The following CSNK1G1 variants were observed in gnomAD, a reference collection of about 807,000 sequenced individuals.
The protein encoded by CSNK1G1 is casein kinase 1 gamma 1.
In CSNK1G1, 22 loss-of-function variants were observed where a neutral mutation model predicts 59.6. The ratio of observed to expected loss-of-function variants is 0.37; its 90% CI spans 0.26 to 0.53. The LOEUF (loss-of-function observed/expected upper bound fraction) is 0.53, where lower values mean the gene tolerates loss of function less well. CSNK1G1 is among the 20% of genes least tolerant of loss of function. The probability of loss-of-function intolerance (pLI) is 0.89; values close to 1 mark genes in which losing one functional copy is unlikely to be tolerated. For synonymous variants in CSNK1G1, 179 were observed against 177.1 expected (o/e 1.01, Z -0.08); for missense variants, 384 against 519.5 (o/e 0.74, Z 2.54).
intron 1 of CSNK1G1, among the ~76,000 whole-genome samples, chr15:64,345,301 A>G (rs555059465): frequency 3.3e-5 from 5 of 152,324 alleles, no homozygotes; most frequent in African/African-American, 9.6e-5. Flanking sequence ...GAAAATATTC[A>G]GGAAAGTACA....
intron 1 of CSNK1G1, among the ~76,000 whole-genome samples, chr15:64,304,930 C>T (rs1053001119): frequency 6.6e-6 from 1 of 152,142 alleles, no homozygotes; most frequent in African/African-American, 2.4e-5. Flanking sequence ...CTTCATCCAC[C>T]ACACATTGCT....
chr15:64,261,820 G>A (rs1566924025), intron 2 of CSNK1G1, among the ~76,000 whole-genome samples: 1 of 151,206 alleles, frequency 6.6e-6, no homozygotes, highest in Non-Finnish European at 1.5e-5. Context: ...GTGTGCACCT[G>A]TAATCCCAGC....
intron 2 of CSNK1G1, among the ~76,000 whole-genome samples, chr15:64,262,885 C>G (rs150234739): frequency 2.0e-5 from 3 of 151,986 alleles, no homozygotes; most frequent in African/African-American, 4.8e-5. Context: ...TCGAGACCAG[C>G]CTGACCAACA....
At chr15:64,278,649 G>A (rs1051147190) in intron 2 of CSNK1G1, among the ~76,000 whole-genome samples, 6 of 151,836 alleles carry the variant, frequency 4.0e-5, no homozygotes, top group Admixed American at 6.6e-5. Context: ...AGCTGGTGTC[G>A]AACTCCTGAC....
At position 64,235,927 on chromosome 15, in the gene CSNK1G1, A is replaced by G. The variant is rs566312771; in HGVS notation, c.292+15585T>C. 5.9e-5 allele frequency among the ~76,000 whole-genome samples: 9 copies of G among 152,310 alleles called. No homozygotes were observed. In the South Asian group the frequency reaches 1.9e-3, roughly 32 times the overall value. On this transcript the variant is annotated intron_variant, in intron 4 of 11. Transcript: ENST00000303052. ...GGTACAGACTCTATCCATAGGGAAC[A>G]TAACAGGTAGAAAACTGTTAGGTAA...
chr15:64,229,152 A>G (rs2082506044), intron 4 of CSNK1G1, among the ~76,000 whole-genome samples: 1 of 152,080 alleles, frequency 6.6e-6, no homozygotes. Context: ...ACCATGTAAC[A>G]TATCTGTTTA....
chr15:64,195,431 T>C (rs931658316), intron 10 of CSNK1G1, among the ~76,000 whole-genome samples: 2 of 152,144 alleles, frequency 1.3e-5, no homozygotes, highest in Non-Finnish European at 2.9e-5. Context: ...CGGTGTAATG[T>C]TTATGTAGCA....
intron 1 of CSNK1G1, among the ~76,000 whole-genome samples, chr15:64,305,146 G>A (rs976064034): frequency 1.3e-5 from 2 of 152,034 alleles, no homozygotes; most frequent in African/African-American, 4.8e-5. Flanking sequence ...GTTGCCACTG[G>A]TTTTTGTACC....
chr15:64,206,551 G>A (rs866229140), intron 7 of CSNK1G1, among the ~76,000 whole-genome samples: 7 of 138,954 alleles, frequency 5.0e-5, no homozygotes, highest in African/African-American at 1.7e-4. Context: ...AGGTTGCAGC[G>A]AGCCCAGCCT....
chr15:64,337,666 A>G (rs1037701125), intron 1 of CSNK1G1, among the ~76,000 whole-genome samples: 1 of 152,202 alleles, frequency 6.6e-6, no homozygotes, highest in African/African-American at 2.4e-5. Context: ...TATAATATTT[A>G]TAATTTAACC....
intron 4 of CSNK1G1, among the ~76,000 whole-genome samples, chr15:64,230,049 G>A (rs1272303749): frequency 6.6e-6 from 1 of 150,746 alleles, no homozygotes; most frequent in Non-Finnish European, 1.5e-5. Flanking sequence ...AGCCTCTGGA[G>A]TAGCTGGGAT....
intron 4 of CSNK1G1, among the ~76,000 whole-genome samples, chr15:64,236,575 T>C (rs890466423): frequency 1.3e-5 from 2 of 152,090 alleles, no homozygotes; most frequent in African/African-American, 4.8e-5. Context: ...GAAATGCAAA[T>C]CAAAACCACA....
At chr15:64,352,426 CA>C (rs1210342031) in intron 1 of CSNK1G1, among the ~76,000 whole-genome samples, 5 of 140,272 alleles carry the variant, frequency 3.6e-5, no homozygotes, top group African/African-American at 1.1e-4. Flanking sequence ...GTAACTATCA[CA>C]AAACATAATT....
intron 2 of CSNK1G1, among the ~76,000 whole-genome samples, chr15:64,260,905 ATT>A (rs1471385258): frequency 6.6e-6 from 1 of 152,194 alleles, no homozygotes; most frequent in Non-Finnish European, 1.5e-5. Flanking sequence ...TTTAGGAATA[ATT>A]TTTGTCTGCA....
intron 6 of CSNK1G1, among the ~76,000 whole-genome samples, chr15:64,211,033 T>G (rs1345474249): frequency 6.6e-6 from 1 of 152,196 alleles, no homozygotes; most frequent in African/African-American, 2.4e-5. Flanking sequence ...CAGATGCAGA[T>G]GCCAGTGCCA....
intron 1 of CSNK1G1, among the ~76,000 whole-genome samples, chr15:64,347,662 A>C (rs1007172815): frequency 2.0e-5 from 3 of 151,774 alleles, no homozygotes; most frequent in African/African-American, 7.3e-5. Flanking sequence ...AAAAGAAAAG[A>C]GAAAAGAAAA....
intron 1 of CSNK1G1, among the ~76,000 whole-genome samples, chr15:64,316,558 A>G (rs953410559): frequency 2.1e-4 from 30 of 144,954 alleles, no homozygotes; most frequent in African/African-American, 7.0e-4. Flanking sequence ...AAAAAAAAAG[A>G]AAAGAAAAAA....
chr15:64,217,006 G>T (rs1567378648), intron 4 of CSNK1G1, among the ~76,000 whole-genome samples: 2 of 152,222 alleles, frequency 1.3e-5, no homozygotes, highest in African/African-American at 2.4e-5. Flanking sequence ...TGATCCATTG[G>T]ATCTTCCCAA....
At chr15:64,238,760 G>C (rs973382837) in intron 4 of CSNK1G1, among the ~76,000 whole-genome samples, 69 of 151,678 alleles carry the variant, frequency 4.5e-4, no homozygotes, top group African/African-American at 1.7e-3. Context: ...AGTTGGGCCA[G>C]GGCTGTGCCA....
Sources: gnomAD v4.1 joint callset for allele counts (sites outside exome capture counted in the v4.1 genomes callset) on GRCh38, gnomAD v4.1.1 for gene constraint, MANE v1.5 for transcripts, NCBI Gene and HGNC (gene_info 2026-07-23, HGNC 2026-07-21) for gene names.